MAN1A1: variants seen among roughly 807,000 people sequenced by gnomAD.
The protein encoded by MAN1A1 is mannosyl-oligosaccharide 1,2-alpha-mannosidase IA.
In MAN1A1, 29 loss-of-function variants were observed where a neutral mutation model predicts 70.8. The ratio of observed to expected loss-of-function variants is 0.41; its 90% CI spans 0.31 to 0.56. MAN1A1 has a LOEUF of 0.56. Ranked by LOEUF, MAN1A1 falls within the 20% of genes least tolerant of loss-of-function variation. MAN1A1 has a pLI of 0.29. For synonymous variants in MAN1A1, 349 were observed against 330.1 expected (o/e 1.06, Z -0.62); for missense variants, 747 against 841.3 (o/e 0.89, Z 1.39).
intron 6 of MAN1A1, among the ~76,000 whole-genome samples, chr6:119,246,820 CA>C (rs1284241747): frequency 1.3e-5 from 2 of 152,142 alleles, no homozygotes; most frequent in Non-Finnish European, 2.9e-5. Context: ...AAGCCAAGCT[CA>C]GAGCCACCCC....
intron 5 of MAN1A1, among the ~76,000 whole-genome samples, chr6:119,248,933 A>G (rs1401226532): frequency 6.6e-6 from 1 of 152,208 alleles, no homozygotes; most frequent in East Asian, 1.9e-4. Flanking sequence ...TTAGGTACAG[A>G]GTCTGCCCAG....
intron 10 of MAN1A1, among the ~76,000 whole-genome samples, chr6:119,188,972 G>A (rs779301341): frequency 5.9e-5 from 9 of 152,156 alleles, no homozygotes; most frequent in African/African-American, 1.4e-4. Context: ...CCAGGGATAC[G>A]AAGGTCTGAC....
rs534066552 is a variant in MAN1A1 at position 119,308,404 on chromosome 6, G to T, written c.604-1412C>A. On this transcript the variant is annotated intron_variant, in intron 2 of 12. Transcript: ENST00000368468. Reference sequence around the variant, plus strand: ...GATTTTTTTCTTATACATTAATTTTGTTGAGAAGTAAAACAGATTTGAGGG... The same window carrying T: ...GATTTTTTTCTTATACATTAATTTTTTTGAGAAGTAAAACAGATTTGAGGG... Among the ~76,000 whole-genome samples, 3 of 152,100 alleles carry T rather than the reference G, an allele frequency of 2.0e-5. No individual in the cohort carries two copies. In the East Asian group the frequency reaches 5.8e-4, roughly 29 times the overall value.
At chr6:119,279,236 A>G (rs1295201441) in intron 5 of MAN1A1, among the ~76,000 whole-genome samples, 1 of 152,174 alleles carries the variant, frequency 6.6e-6, no homozygotes, top group African/African-American at 2.4e-5. Context: ...ACCTCAAGCA[A>G]TTCAATCAGT....
intron 6 of MAN1A1, among the ~76,000 whole-genome samples, chr6:119,218,036 T>G (rs1774257263): frequency 6.6e-6 from 1 of 152,190 alleles, no homozygotes; most frequent in Non-Finnish European, 1.5e-5. Context: ...CAGGTAGACA[T>G]CTCCTAATTT....
chr6:119,333,868 G>A (rs531314190), intron 2 of MAN1A1, among the ~76,000 whole-genome samples: 1 of 152,210 alleles, frequency 6.6e-6, no homozygotes, highest in South Asian at 2.1e-4. Context: ...AAAACCTAGG[G>A]TGTAATTCTT....
At chr6:119,291,441 T>C (rs1776542992) in intron 4 of MAN1A1, among the ~76,000 whole-genome samples, 1 of 152,046 alleles carries the variant, frequency 6.6e-6, no homozygotes, top group African/African-American at 2.4e-5. Context: ...CAAAAATATT[T>C]GTCAAATAAA....
rs1405575526 is a variant in MAN1A1, at chr6:119,178,987, C to T, written c.*832G>A. The stretch of plus-strand genomic sequence containing the variant: ...ATTCAGTTAAACCCAAAAGCTAATC[C>T]ATTAAGTTGTACTATTTTCTTCAGA... On this transcript the variant is annotated 3_prime_UTR_variant, in exon 13 of 13. Coordinates refer to ENST00000368468, the MANE Select transcript of MAN1A1 (RefSeq NM_005907.4). 1.3e-5 allele frequency: 2 copies of T among 152,086 alleles called. No individual in the cohort carries two copies. Among genetic ancestry groups the T allele is most frequent in the Non-Finnish European group, 2.9e-5 (2 of 67,966 alleles). The allele number at this position is 152,086 out of a possible 1,614,324, so 9.4% of individuals were successfully genotyped here.
intron 5 of MAN1A1, among the ~76,000 whole-genome samples, chr6:119,273,677 G>GT (rs1337026054): frequency 1.3e-5 from 2 of 151,802 alleles, no homozygotes; most frequent in African/African-American, 2.4e-5. Context: ...TACAGCACTT[G>GT]TTTTTTTTCT....
chr6:119,326,603 G>C (rs928561676), intron 2 of MAN1A1, among the ~76,000 whole-genome samples: 1 of 152,160 alleles, frequency 6.6e-6, no homozygotes, highest in Non-Finnish European at 1.5e-5. Flanking sequence ...AATTTACAAA[G>C]GAAAGAGGGC....
chr6:119,312,853 T>C lies in MAN1A1; in HGVS notation c.604-5861A>G, dbSNP rs76706194. On this transcript the variant is annotated intron_variant, in intron 2 of 12. Transcript: ENST00000368468. ...ATATGGGAACTCTCTATACTTTCTGTTCAATTTTGCTACAAGCCTAAAACT... is the reference window on the plus strand; with the variant it reads ...ATATGGGAACTCTCTATACTTTCTGCTCAATTTTGCTACAAGCCTAAAACT... 5.9e-3 allele frequency among the ~76,000 whole-genome samples: 894 copies of C among 152,288 alleles called. 30 individuals carry two copies. The East Asian group carries it at 0.09, about 15-fold the overall frequency.
chr6:119,177,991 G>T lies in MAN1A1; in HGVS notation c.*1828C>A, dbSNP rs1241096160. 1 of 152,060 alleles carries T rather than the reference G, an allele frequency of 6.6e-6. No individual in the cohort carries two copies. The highest frequency in any genetic ancestry group is 2.4e-5 in the African/African-American group (1 of 41,454). 9.4% of individuals were successfully genotyped at this position (152,060 alleles called of 1,614,324 possible). A position where few individuals can be genotyped will look rare whatever the true frequency, so the allele number is the denominator to read the frequency against. ...AAAGTCCTGGGAACAAAGGGCTCTT[G>T]CTATCCATTCATTTCATTAGGTGAA... On this transcript the variant is annotated 3_prime_UTR_variant, in exon 13 of 13. Transcript: ENST00000368468.
intron 2 of MAN1A1, among the ~76,000 whole-genome samples, chr6:119,309,530 C>A (rs1185755900): frequency 1.3e-5 from 2 of 152,200 alleles, no homozygotes; most frequent in Non-Finnish European, 2.9e-5. Context: ...CACCTCTCTT[C>A]ACAGGCTCCT....
At chr6:119,240,460 A>G (rs1774972946) in intron 6 of MAN1A1, among the ~76,000 whole-genome samples, 1 of 152,188 alleles carries the variant, frequency 6.6e-6, no homozygotes, top group African/African-American at 2.4e-5. Context: ...AAATTCAAGG[A>G]AAAGGCGGGA....
chr6:119,329,802 C>T (rs1434988381), intron 2 of MAN1A1, among the ~76,000 whole-genome samples: 1 of 152,158 alleles, frequency 6.6e-6, no homozygotes, highest in Admixed American at 6.5e-5. Context: ...ATAGTCTGTG[C>T]CCTTCCTTAG....
chr6:119,304,454 T>A lies in MAN1A1; in HGVS notation c.701-2351A>T, dbSNP rs1021068321. ...TTCTTGTATTTTAGCTTTAAATGAG[T>A]ATAATTGGTCAAGCACAAAATACCT... On this transcript the variant is annotated intron_variant, in intron 3 of 12. Coordinates refer to ENST00000368468, the MANE Select transcript of MAN1A1 (RefSeq NM_005907.4). Among the ~76,000 whole-genome samples, 17 of 152,178 alleles carry A rather than the reference T, an allele frequency of 1.1e-4. 1 individual carries two copies. Among genetic ancestry groups the A allele is most frequent in the African/African-American group, 3.9e-4 (16 of 41,438 alleles).
chr6:119,335,627 A>C (rs951739635), intron 2 of MAN1A1, among the ~76,000 whole-genome samples: 4 of 152,232 alleles, frequency 2.6e-5, no homozygotes, highest in Non-Finnish European at 5.9e-5. Flanking sequence ...ACACAGGCCA[A>C]AGATAGAAAT....
At chr6:119,205,211 C>T (rs1773827566) in intron 6 of MAN1A1, among the ~76,000 whole-genome samples, 1 of 152,126 alleles carries the variant, frequency 6.6e-6, no homozygotes, top group Non-Finnish European at 1.5e-5. Context: ...CTGACCAAAA[C>T]ACTCCCACCA....
chr6:119,205,623 T>C (rs80048966), intron 6 of MAN1A1, among the ~76,000 whole-genome samples: 2,406 of 152,284 alleles, frequency 0.016, 69 homozygotes, highest in African/African-American at 0.056. Flanking sequence ...GTTATAAACA[T>C]ACATACATAC....
Sources: allele counts gnomAD v4.1 joint callset (sites outside exome capture counted in the v4.1 genomes callset), GRCh38; gene constraint gnomAD v4.1.1; transcripts MANE v1.5; gene names NCBI Gene and HGNC (gene_info 2026-07-23, HGNC 2026-07-21).